The following RCAN1 variants were observed in gnomAD, a reference collection of about 807,000 sequenced individuals.
RCAN1 encodes the protein calcipressin-1.
Under a neutral mutation model 22.9 loss-of-function variants are expected in RCAN1, and 11 were observed. The ratio of observed to expected loss-of-function variants is 0.48; its 90% confidence interval spans 0.30 to 0.79. The LOEUF (loss-of-function observed/expected upper bound fraction) is 0.79. Ranked by LOEUF, RCAN1 falls within the 30% of genes least tolerant of loss-of-function variation. The probability of loss-of-function intolerance (pLI) is 0.06; values close to 1 mark genes in which losing one functional copy is unlikely to be tolerated. For missense variants in RCAN1, 291 were observed against 337.8 expected (o/e 0.86, Z 1.09); for synonymous variants, 136 against 142.3 (o/e 0.96, Z 0.32).
At chr21:34,580,108 TAA>T (rs1427400423) in intron 1 of RCAN1, among the ~76,000 whole-genome samples, 1 of 152,112 alleles carries the variant, frequency 6.6e-6, no homozygotes, top group Non-Finnish European at 1.5e-5. Flanking sequence ...TGGTTCAAAA[TAA>T]AAAAGAGCCC....
chr21:34,521,816 A>C, intron 2 of RCAN1, 158 bp from the exon 3 acceptor site: 1 of 625,768 alleles, frequency 1.6e-6, no homozygotes, highest in South Asian at 2.1e-5. Context: ...TGTAATGGGG[A>C]GGGCAAAAGG....
chr21:34,523,520 CA>C lies in RCAN1; in HGVS notation c.426+16del. 6.2e-7 allele frequency: 1 copy of C among 1,612,638 alleles called. No individual in the cohort carries two copies. The highest frequency in any genetic ancestry group is 8.5e-7 in the Non-Finnish European group (1 of 1,179,146). Reference sequence around the variant, plus strand: ...AGGGAGGAGGGAGAAGCATGCATAGCAATGAACCCAACTCACCTGAGCAAAA... The same window carrying C: ...AGGGAGGAGGGAGAAGCATGCATAGCATGAACCCAACTCACCTGAGCAAAA... On this transcript the variant is annotated intron_variant, in intron 2 of 3. Transcript: ENST00000313806.
At chr21:34,568,113 T>C (rs1336909594) in intron 1 of RCAN1, among the ~76,000 whole-genome samples, 1 of 152,194 alleles carries the variant, frequency 6.6e-6, no homozygotes. Flanking sequence ...TTTCATAGCA[T>C]GCCATGGTCC....
intron 1 of RCAN1, among the ~76,000 whole-genome samples, chr21:34,611,163 AT>A (rs1419278604): frequency 2.0e-5 from 3 of 152,162 alleles, no homozygotes; most frequent in Non-Finnish European, 4.4e-5. Flanking sequence ...CCAACTAACC[AT>A]TTTCAGCAAT....
At chr21:34,529,668 G>C (rs1392992452) in intron 1 of RCAN1, among the ~76,000 whole-genome samples, 3 of 152,168 alleles carry the variant, frequency 2.0e-5, no homozygotes, top group Admixed American at 2.0e-4. Context: ...GGTTTTGGAG[G>C]CAAGTATATT....
intron 1 of RCAN1, among the ~76,000 whole-genome samples, chr21:34,570,197 G>A (rs1422600086): frequency 6.6e-6 from 1 of 152,128 alleles, no homozygotes; most frequent in Non-Finnish European, 1.5e-5. Context: ...TCTAGATAGT[G>A]AAAAAGGGCC....
At chr21:34,567,140 A>C (rs2834547) in intron 1 of RCAN1, among the ~76,000 whole-genome samples, 1 of 151,652 alleles carries the variant, frequency 6.6e-6, no homozygotes, top group Non-Finnish European at 1.5e-5. Context: ...AAATTTCAAA[A>C]TTTGTGTAGA....
At chr21:34,585,763 A>C (rs1019227641) in intron 1 of RCAN1, among the ~76,000 whole-genome samples, 1 of 151,006 alleles carries the variant, frequency 6.6e-6, no homozygotes, top group African/African-American at 2.4e-5. Flanking sequence ...AAAAAAAAAA[A>C]ACATAATTCA....
At chr21:34,582,334 G>A (rs891160599) in intron 1 of RCAN1, among the ~76,000 whole-genome samples, 1 of 152,148 alleles carries the variant, frequency 6.6e-6, no homozygotes, top group African/African-American at 2.4e-5. Context: ...GTTGGGGAGT[G>A]ACCAGTGCTA....
chr21:34,602,140 T>C (rs183184969), intron 1 of RCAN1, among the ~76,000 whole-genome samples: 1 of 152,334 alleles, frequency 6.6e-6, no homozygotes, highest in African/African-American at 2.4e-5. Flanking sequence ...AACGTTACCA[T>C]GCTACATGCA....
At chr21:34,591,403 C>CCAAG (rs1987968719) in intron 1 of RCAN1, among the ~76,000 whole-genome samples, 1 of 152,126 alleles carries the variant, frequency 6.6e-6, no homozygotes, top group African/African-American at 2.4e-5. Flanking sequence ...CAAGACCTAA[C>CCAAG]CAAGGTGAGC....
intron 1 of RCAN1, among the ~76,000 whole-genome samples, chr21:34,608,102 A>G (rs560079249): frequency 6.6e-6 from 1 of 152,332 alleles, no homozygotes; most frequent in South Asian, 2.1e-4. Context: ...TAGGGCTTCT[A>G]CTAATTCTAC....
At chr21:34,605,587 G>C (rs1418845299) in intron 1 of RCAN1, among the ~76,000 whole-genome samples, 1 of 152,152 alleles carries the variant, frequency 6.6e-6, no homozygotes, top group Non-Finnish European at 1.5e-5. Context: ...AGATGTGAAA[G>C]ATATATGAAA....
rs139855386 is a variant in RCAN1 at position 34,588,615 on chromosome 21, C to T, written c.252+26145G>A. Among the ~76,000 whole-genome samples, 613 of 152,298 alleles carry T rather than the reference C, an allele frequency of 4.0e-3. 6 individuals carry two copies. In the East Asian group the frequency reaches 0.04, roughly 10 times the overall value. On this transcript the variant is annotated intron_variant, in intron 1 of 3. Transcript: ENST00000313806. ...AAAATGGTGTAGCCACTGTGCAGAA[C>T]GGAATGGCAGCTCCTCAAAAAATTG...
chr21:34,521,087 AT>A, intron 3 of RCAN1: 1 of 1,255,494 alleles, frequency 8.0e-7, no homozygotes. Flanking sequence ...GAAAGGGAGA[AT>A]TTATTTTGAT....
rs1454475527 is a variant in RCAN1, at chr21:34,585,495, G to C, written c.252+29265C>G. Among the ~76,000 whole-genome samples, 12 of 152,114 alleles carry C rather than the reference G, an allele frequency of 7.9e-5. No individual in the cohort carries two copies. In the South Asian group the frequency reaches 2.5e-3, roughly 31 times the overall value. On this transcript the variant is annotated intron_variant, in intron 1 of 3. Transcript: ENST00000313806. Reference sequence around the variant, plus strand: ...GCAGTGGCTCACACCTGTAATCCCAGCACTTTCGGAGGCCGAGGTGGGCGG... The same window carrying C: ...GCAGTGGCTCACACCTGTAATCCCACCACTTTCGGAGGCCGAGGTGGGCGG...
At chr21:34,602,578 A>C (rs1988390359) in intron 1 of RCAN1, among the ~76,000 whole-genome samples, 1 of 150,934 alleles carries the variant, frequency 6.6e-6, no homozygotes, top group Non-Finnish European at 1.5e-5. Flanking sequence ...GGACCAGACC[A>C]CCTGAGATCT....
In RCAN1 at chr21:34,614,491, C is replaced by A; in HGVS notation, c.252+269G>T. 1 of 1,037,252 alleles carries A rather than the reference C, an allele frequency of 9.6e-7. No individual in the cohort carries two copies. The highest frequency in any genetic ancestry group is 4.6e-5 in the South Asian group (1 of 21,774). The allele number at this position is 1,037,252 out of a possible 1,614,324, so 64.3% of individuals were successfully genotyped here. ...TGGGGAGCGAATTCACCCCCCTAGTCGCACCAGCCTGGGCGCACACGGGGG... is the reference window on the plus strand; with the variant it reads ...TGGGGAGCGAATTCACCCCCCTAGTAGCACCAGCCTGGGCGCACACGGGGG... On this transcript the variant is annotated intron_variant, in intron 1 of 3. Transcript: ENST00000313806. The surrounding 1 kb of genome is among the most constrained non-coding windows in gnomAD (Gnocchi z 6.0).
chr21:34,558,988 C>T (rs576420086), intron 1 of RCAN1, among the ~76,000 whole-genome samples: 1 of 152,312 alleles, frequency 6.6e-6, no homozygotes, highest in South Asian at 2.1e-4. Flanking sequence ...GTATTAATAT[C>T]TATGCTAATG....
Sources: allele counts gnomAD v4.1 joint callset (sites outside exome capture counted in the v4.1 genomes callset), GRCh38; gene constraint gnomAD v4.1.1; non-coding constraint Gnocchi (gnomAD v3.1); transcripts MANE v1.5; gene names NCBI Gene and HGNC (gene_info 2026-07-23, HGNC 2026-07-21).